Variants in RFX7 observed in about 807,000 individuals in gnomAD.
RFX7 encodes the protein regulatory factor X7, also known as DNA-binding protein RFX7.
In RFX7, 26 loss-of-function variants were observed where a neutral mutation model predicts 111.8. The ratio of observed to expected loss-of-function variants is 0.23; its 90% CI spans 0.17 to 0.32. The LOEUF is 0.32. RFX7 is among the 10% of genes least tolerant of loss of function. RFX7 has a pLI of 1.00. For synonymous variants in RFX7, 624 were observed against 624.4 expected (o/e 1.00, Z 0.01); for missense variants, 1,573 against 1,772.9 (o/e 0.89, Z 2.02).
At chr15:56,214,037 T>C (rs2141201658) in intron 2 of RFX7, among the ~76,000 whole-genome samples, 1 of 152,302 alleles carries the variant, frequency 6.6e-6, no homozygotes, top group South Asian at 2.1e-4. Context: ...AAAGCTCACC[T>C]CTGTCTTATA....
At position 56,092,843 on chromosome 15, in the gene RFX7, C is replaced by T. The variant is rs1179793971; in HGVS notation, c.*502G>A. ...CAGAAAGTCCTACAGAGATTTTTCA[C>T]CCTACAGTAGCTCTATGCTTCAAGC... On this transcript the variant is annotated 3_prime_UTR_variant, in exon 10 of 10. Transcript: ENST00000559447. 1.3e-5 allele frequency: 2 copies of T among 152,816 alleles called. No homozygotes were observed. The highest frequency in any genetic ancestry group is 2.9e-5 in the Non-Finnish European group (2 of 68,280). 9.5% of individuals were successfully genotyped at this position (152,816 alleles called of 1,614,324 possible).
chr15:56,090,940 C>T lies in RFX7; in HGVS notation c.*2405G>A, dbSNP rs2041589203. ...ACAATAAAAATAATCTGGAACAGAA[C>T]ATATTCAACAATAACTAAGCAGAAT... On this transcript the variant is annotated 3_prime_UTR_variant, in exon 10 of 10. Transcript: ENST00000559447. The T allele has an allele frequency of 6.6e-6, 1 of 152,490 alleles. No individual in the cohort carries two copies. Among genetic ancestry groups the T allele is most frequent in the Admixed American group, 6.6e-5 (1 of 15,252 alleles). 9.4% of individuals were successfully genotyped at this position (152,490 alleles called of 1,614,324 possible).
chr15:56,094,944 G>A lies in RFX7; in HGVS notation c.2784C>T (p.His928=), dbSNP rs34361729. 0.13 allele frequency: 206,746 copies of A among 1,598,064 alleles called. 14,234 individuals are homozygous for A. The highest frequency in any genetic ancestry group is 0.2 in the South Asian group (17,704 of 87,294). The change falls in exon 10 of 10, where the codon CAC becomes CAT. Residue 928 remains histidine (H), a synonymous_variant. Transcript: ENST00000559447. The part of the protein sequence containing the change: ...SVTPGAPMSS[H]TSSTHFYHPI... ...GATGATAGAAGTGGGTGCTGGAAGTGTGAGATGACATTGGAGCTCCTGGAG... is the reference window on the plus strand; with the variant it reads ...GATGATAGAAGTGGGTGCTGGAAGTATGAGATGACATTGGAGCTCCTGGAG...
intron 2 of RFX7, among the ~76,000 whole-genome samples, chr15:56,198,720 C>T (rs2043167797): frequency 6.6e-6 from 1 of 152,106 alleles, no homozygotes; most frequent in African/African-American, 2.4e-5. Flanking sequence ...GATATGATGT[C>T]TGGGATTCCC....
intron 2 of RFX7, among the ~76,000 whole-genome samples, chr15:56,231,515 C>A (rs1596025935): frequency 6.6e-6 from 1 of 152,068 alleles, no homozygotes; most frequent in African/African-American, 2.4e-5. Flanking sequence ...GGGGGAAAAT[C>A]GTCCCATGAT....
At chr15:56,153,464 C>G (rs749696181) in intron 3 of RFX7, among the ~76,000 whole-genome samples, 34 of 152,096 alleles carry the variant, frequency 2.2e-4, no homozygotes, top group Non-Finnish European at 3.8e-4. Flanking sequence ...AAACAACAAA[C>G]GTAATCCATC....
At chr15:56,155,601 CTGGGGCCCGTCGGCGGGTG>C (rs1286122936) in intron 3 of RFX7, among the ~76,000 whole-genome samples, 1 of 152,084 alleles carries the variant, frequency 6.6e-6, no homozygotes, top group Non-Finnish European at 1.5e-5. Flanking sequence ...ACATCACACA[CTGGGGCCCGTCGGCGGGTG>C]TGGGGCTAGG....
At chr15:56,103,221 T>G (rs571576194) in intron 6 of RFX7, among the ~76,000 whole-genome samples, 1 of 149,278 alleles carries the variant, frequency 6.7e-6, no homozygotes, top group Non-Finnish European at 1.5e-5. Flanking sequence ...CTTTCTCCAC[T>G]TTTATTCTTA....
At chr15:56,142,705 C>A in intron 5 of RFX7, 73 bp downstream of exon 5, 1 of 1,376,620 alleles carries the variant, frequency 7.3e-7, no homozygotes, top group Non-Finnish European at 9.9e-7. Context: ...AATAATAAAA[C>A]AAATCACTAT....
At chr15:56,243,415 G>GGAA (rs2043739877) in intron 1 of RFX7, 30 bp downstream of exon 1, 1 of 1,114,856 alleles carries the variant, frequency 9.0e-7, no homozygotes, top group African/African-American at 1.7e-5. Context: ...AGGAGGAGGA[G>GGAA]GAAGGAAGCT....
chr15:56,223,486 A>G (rs893998271), intron 2 of RFX7, among the ~76,000 whole-genome samples: 45 of 152,312 alleles, frequency 3.0e-4, no homozygotes, highest in Admixed American at 5.2e-4. Flanking sequence ...AATGCCAAAT[A>G]AAACCCAGTT....
chr15:56,116,822 A>C (rs2042014617), intron 5 of RFX7, among the ~76,000 whole-genome samples: 1 of 151,304 alleles, frequency 6.6e-6, no homozygotes, highest in African/African-American at 2.5e-5. Flanking sequence ...AAATGCATAA[A>C]TTGTACAAAC....
intron 3 of RFX7, among the ~76,000 whole-genome samples, chr15:56,154,059 T>C (rs574496021): frequency 6.6e-6 from 1 of 151,992 alleles, no homozygotes; most frequent in African/African-American, 2.4e-5. Context: ...ATAAAATACC[T>C]AGGAATACAA....
At chr15:56,169,591 T>A in intron 3 of RFX7, among the ~76,000 whole-genome samples, 1 of 152,114 alleles carries the variant, frequency 6.6e-6, no homozygotes, top group East Asian at 1.9e-4. Flanking sequence ...CTAAGTTAGG[T>A]TAGAATTATG....
intron 3 of RFX7, among the ~76,000 whole-genome samples, chr15:56,177,094 C>T (rs1188782776): frequency 6.6e-6 from 1 of 152,102 alleles, no homozygotes; most frequent in Non-Finnish European, 1.5e-5. Context: ...CCGTAAGTTC[C>T]AGCATACTGG....
intron 2 of RFX7, among the ~76,000 whole-genome samples, chr15:56,190,822 G>C (rs531209912): frequency 2.0e-5 from 3 of 152,142 alleles, no homozygotes; most frequent in Admixed American, 6.5e-5. Flanking sequence ...AGGAAAAAAG[G>C]GGGTGAAACC....
chr15:56,155,562 A>C (rs1444795600), intron 3 of RFX7, among the ~76,000 whole-genome samples: 1 of 152,166 alleles, frequency 6.6e-6, no homozygotes, highest in African/African-American at 2.4e-5. Context: ...GGAGTTGAAC[A>C]ATGAGAACAC....
chr15:56,219,223 T>C (rs1382264422), intron 2 of RFX7, among the ~76,000 whole-genome samples: 1 of 152,214 alleles, frequency 6.6e-6, no homozygotes, highest in African/African-American at 2.4e-5. Flanking sequence ...GGTACTTTTA[T>C]CATCAAGATA....
At position 56,116,854 on chromosome 15, in the gene RFX7, TACAA is replaced by T. The variant is rs776586572; in HGVS notation, c.402-13188_402-13185del. Among the ~76,000 whole-genome samples, 115 of 152,300 alleles carry T rather than the reference TACAA, an allele frequency of 7.6e-4. 1 individual carries two copies. The highest frequency in any genetic ancestry group is 9.0e-4 in the Non-Finnish European group (61 of 68,028). On this transcript the variant is annotated intron_variant, in intron 5 of 9. Transcript: ENST00000559447. ...AAACATTGTACAGTTGTACAAATTG[TACAA>T]ACATTGTACAGTTGTACAAACTGTA...
Sources: gnomAD v4.1 joint callset for allele counts (sites outside exome capture counted in the v4.1 genomes callset) on GRCh38, gnomAD v4.1.1 for gene constraint, MANE v1.5 for transcripts, NCBI Gene and HGNC (gene_info 2026-07-23, HGNC 2026-07-21) for gene names.